The following CACNA1C variants were observed in gnomAD, a reference collection of about 807,000 sequenced individuals.
The protein encoded by CACNA1C is voltage-dependent L-type calcium channel subunit alpha-1C.
In CACNA1C, 30 loss-of-function variants were observed where a neutral mutation model predicts 229.0. The ratio of observed to expected loss-of-function variants is 0.13; its 90% CI spans 0.10 to 0.18. The LOEUF is 0.18. CACNA1C is among the 10% of genes least tolerant of loss of function. The probability of loss-of-function intolerance (pLI) is 1.00; values close to 1 mark genes in which losing one functional copy is unlikely to be tolerated. For missense variants in CACNA1C, 1,658 were observed against 2,845.0 expected (o/e 0.58, Z 9.49); for synonymous variants, 1,114 against 1,132.5 (o/e 0.98, Z 0.33).
At chr12:2,462,154 C>T (rs2099510266) in intron 5 of CACNA1C, among the ~76,000 whole-genome samples, 1 of 140,928 alleles carries the variant, frequency 7.1e-6, no homozygotes, top group African/African-American at 2.6e-5. Flanking sequence ...AAGCTCACCC[C>T]ACTGTGGGGT....
At chr12:2,310,019 G>A (rs1358731076) in intron 3 of CACNA1C, among the ~76,000 whole-genome samples, 1 of 152,184 alleles carries the variant, frequency 6.6e-6, no homozygotes, top group Non-Finnish European at 1.5e-5. Flanking sequence ...AGACCTGGTG[G>A]CCTGGAAGTC....
chr12:2,162,376 T>C (rs911802276), intron 3 of CACNA1C, among the ~76,000 whole-genome samples: 2 of 151,854 alleles, frequency 1.3e-5, no homozygotes, highest in African/African-American at 2.4e-5. Flanking sequence ...GGGAAACAAG[T>C]CTGCCCCGTT....
intron 3 of CACNA1C, among the ~76,000 whole-genome samples, chr12:2,277,563 G>T (rs1028549159): frequency 8.5e-5 from 13 of 152,182 alleles, no homozygotes; most frequent in Non-Finnish European, 1.6e-4. Context: ...GGCAGCAACA[G>T]TGGGGTCCAC....
chr12:2,071,039 C>T (rs1343894600), intron 1 of CACNA1C, among the ~76,000 whole-genome samples: 2 of 127,334 alleles, frequency 1.6e-5, no homozygotes, highest in Admixed American at 1.6e-4. Flanking sequence ...CCTTCCTTCC[C>T]TTTCCCCTTC....
At chr12:2,097,889 G>T (rs1019471691) in intron 1 of CACNA1C, among the ~76,000 whole-genome samples, 1 of 152,212 alleles carries the variant, frequency 6.6e-6, no homozygotes, top group African/African-American at 2.4e-5. Flanking sequence ...AACTGGGAGT[G>T]GGGGATGAGG....
chr12:2,118,023 C>A (rs1362449527), intron 2 of CACNA1C, among the ~76,000 whole-genome samples: 1 of 152,256 alleles, frequency 6.6e-6, no homozygotes, highest in African/African-American at 2.4e-5. Context: ...ACACAGAGCA[C>A]TTCCCAGGGC....
rs1423824889 is a variant in CACNA1C, at chr12:2,191,892, GCA to G, written c.477+71469_477+71470del. ...TACACAGGCGCACACGTACACACAG[GCA>G]CACACATGCACACATGGTCTCACAC... On this transcript the variant is annotated intron_variant, in intron 3 of 46. Transcript: ENST00000399655. 5.2e-3 allele frequency among the ~76,000 whole-genome samples: 464 copies of G among 88,762 alleles called. 2 individuals are homozygous for G. Among genetic ancestry groups the G allele is most frequent in the African/African-American group, 0.015 (437 of 29,650 alleles). The allele number at this position is 88,762 out of a possible 152,430, so 58.2% of individuals were successfully genotyped here. A position where few individuals can be genotyped will look rare whatever the true frequency, so the allele number is the denominator to read the frequency against.
intron 3 of CACNA1C, among the ~76,000 whole-genome samples, chr12:2,332,932 C>G (rs537952953): frequency 6.6e-6 from 1 of 152,126 alleles, no homozygotes; most frequent in South Asian, 2.1e-4. Flanking sequence ...AAGGAAGTAT[C>G]CTAAAGGCAG....
intron 5 of CACNA1C, among the ~76,000 whole-genome samples, chr12:2,485,167 A>G (rs994723357): frequency 6.6e-5 from 10 of 152,158 alleles, no homozygotes; most frequent in Admixed American, 1.3e-4. Flanking sequence ...CCTGTGTGTC[A>G]GAGGTGGCAC....
At chr12:2,426,930 A>G (rs933820874) in intron 3 of CACNA1C, among the ~76,000 whole-genome samples, 6 of 152,260 alleles carry the variant, frequency 3.9e-5, no homozygotes, top group Non-Finnish European at 7.3e-5. Context: ...GCTGTTGCAC[A>G]TTATTCCACC....
chr12:2,316,515 T>C (rs1241134681), intron 3 of CACNA1C, among the ~76,000 whole-genome samples: 1 of 152,212 alleles, frequency 6.6e-6, no homozygotes, highest in Non-Finnish European at 1.5e-5. Flanking sequence ...TGACACATAG[T>C]GCTCAGTTAG....
intron 13 of CACNA1C, among the ~76,000 whole-genome samples, chr12:2,574,342 C>G (rs2057554569): frequency 6.6e-6 from 1 of 152,204 alleles, no homozygotes; most frequent in African/African-American, 2.4e-5. Context: ...CTGACATATT[C>G]TGTGGGGTGG....
Position 2,691,507 on chromosome 12 carries a change from C to A in CACNA1C, c.*308C>A. ...CCGCGGGGAGAGCACCCCGGCTTCCCGCGCGCCCTCACCAAAAGGACCCTA... is the reference window on the plus strand; with the variant it reads ...CCGCGGGGAGAGCACCCCGGCTTCCAGCGCGCCCTCACCAAAAGGACCCTA... On this transcript the variant is annotated 3_prime_UTR_variant, in exon 47 of 47. Transcript: ENST00000399655. The A allele has an allele frequency of 3.2e-6, 1 of 316,922 alleles. No homozygotes were observed. The allele number at this position is 316,922 out of a possible 1,614,324, so 19.6% of individuals were successfully genotyped here.
Position 2,633,704 on chromosome 12 carries a change from GA to G in CACNA1C, c.3829-592del. Reference sequence around the variant, plus strand: ...CAGCATAATTGACGTCATTCTCAGTGAGACTAATGTGAGTATTACTCTGCCC... The same window carrying G: ...CAGCATAATTGACGTCATTCTCAGTGGACTAATGTGAGTATTACTCTGCCC... On this transcript the variant is annotated intron_variant, in intron 29 of 46. Transcript: ENST00000399655. The surrounding 1 kb of genome is among the most constrained non-coding windows in gnomAD (Gnocchi z 5.8). 1 of 1,585,956 alleles carries G rather than the reference GA, an allele frequency of 6.3e-7. No individual in the cohort carries two copies. The highest frequency in any genetic ancestry group is 8.7e-7 in the Non-Finnish European group (1 of 1,154,440).
chr12:2,098,005 C>T (rs924554114), intron 1 of CACNA1C, among the ~76,000 whole-genome samples: 2 of 152,190 alleles, frequency 1.3e-5, no homozygotes, highest in Non-Finnish European at 2.9e-5. Flanking sequence ...GTGGAGCCTC[C>T]TCATTCTATG....
intron 1 of CACNA1C, among the ~76,000 whole-genome samples, chr12:2,008,566 A>G (rs552834149): frequency 6.6e-6 from 1 of 152,308 alleles, no homozygotes; most frequent in African/African-American, 2.4e-5. Context: ...GAGTTAGTTG[A>G]ATTTACTCAT....
chr12:2,584,634 G>T lies in CACNA1C; in HGVS notation c.2339+17G>T. The T allele has an allele frequency of 6.4e-7, 1 of 1,553,546 alleles. No individual in the cohort carries two copies. Among genetic ancestry groups the T allele is most frequent in the Non-Finnish European group, 8.9e-7 (1 of 1,128,720 alleles). ...GCTGGCCAGGTAACCCTCTAAGCTT[G>T]CCCAGGCCTGGGGCTCCAGGGCTCC... On this transcript the variant is annotated intron_variant, in intron 16 of 46. Transcript: ENST00000399655.
intron 3 of CACNA1C, among the ~76,000 whole-genome samples, chr12:2,190,349 A>G (rs1205951758): frequency 4.6e-5 from 7 of 152,220 alleles, no homozygotes; most frequent in Non-Finnish European, 1.0e-4. Flanking sequence ...GCTGCACAGC[A>G]GGGAAGGCTT....
chr12:2,099,197 G>A (rs969601500), intron 1 of CACNA1C, among the ~76,000 whole-genome samples: 3 of 152,184 alleles, frequency 2.0e-5, no homozygotes, highest in East Asian at 1.9e-4. Flanking sequence ...AAAAGAAAAA[G>A]GAAAAGATGA....
Sources: allele counts gnomAD v4.1 joint callset (sites outside exome capture counted in the v4.1 genomes callset), GRCh38; gene constraint gnomAD v4.1.1; non-coding constraint Gnocchi (gnomAD v3.1); transcripts MANE v1.5; gene names NCBI Gene and HGNC (gene_info 2026-07-23, HGNC 2026-07-21).